The following KCTD8 variants were observed in gnomAD, a reference collection of about 807,000 sequenced individuals.
The protein encoded by KCTD8 is potassium channel tetramerization domain containing 8.
KCTD8 carries 27 observed loss-of-function variants against 31.5 expected under a neutral mutation model. That is an observed-to-expected ratio of 0.86 (90% confidence interval 0.63 to 1.18). The LOEUF is 1.18. Among genes scored for constraint, KCTD8 ranks in the 50% most tolerant of loss-of-function variants. The pLI is 0.00. For missense variants in KCTD8, 658 were observed against 647.7 expected, an observed-to-expected ratio of 1.02 and a Z score of -0.17; for synonymous variants, 290 against 280.0, an observed-to-expected ratio of 1.04 and a Z score of -0.36.
intron 1 of KCTD8, among the ~76,000 whole-genome samples, chr4:44,187,157 TA>T (rs939579956): frequency 1.3e-5 from 2 of 152,212 alleles, no homozygotes; most frequent in Non-Finnish European, 2.9e-5. Context: ...TAAAGAGAAA[TA>T]AATTACTTGA....
intron 1 of KCTD8, among the ~76,000 whole-genome samples, chr4:44,343,844 T>C (rs76380106): frequency 6.6e-6 from 1 of 152,022 alleles, no homozygotes; most frequent in Non-Finnish European, 1.5e-5. Flanking sequence ...GGGTTTTTTT[T>C]GTTGTTGTTG....
intron 1 of KCTD8, among the ~76,000 whole-genome samples, chr4:44,221,634 C>T (rs550824204): frequency 1.1e-4 from 16 of 152,184 alleles, no homozygotes; most frequent in South Asian, 4.2e-4. Context: ...AAACCACTGG[C>T]GTATGTCCAG....
At chr4:44,182,924 T>TG in intron 1 of KCTD8, among the ~76,000 whole-genome samples, 2 of 152,228 alleles carry the variant, frequency 1.3e-5, no homozygotes, top group Non-Finnish European at 2.9e-5. Flanking sequence ...AACATATATA[T>TG]TAAGTACTTT....
chr4:44,376,752 A>C (rs1471972618), intron 1 of KCTD8, among the ~76,000 whole-genome samples: 1 of 152,196 alleles, frequency 6.6e-6, no homozygotes, highest in Non-Finnish European at 1.5e-5. Flanking sequence ...ACCAACAGAG[A>C]AGTACTTAAT....
At chr4:44,212,058 T>C (rs1444336470) in intron 1 of KCTD8, among the ~76,000 whole-genome samples, 1 of 152,168 alleles carries the variant, frequency 6.6e-6, no homozygotes, top group Non-Finnish European at 1.5e-5. Flanking sequence ...GATTTGGAAT[T>C]GCCATGGGAT....
intron 1 of KCTD8, among the ~76,000 whole-genome samples, chr4:44,362,060 A>G (rs545798883): frequency 6.6e-6 from 1 of 152,134 alleles, no homozygotes; most frequent in African/African-American, 2.4e-5. Flanking sequence ...CATTTCAACA[A>G]ATGATGAAGG....
intron 1 of KCTD8, among the ~76,000 whole-genome samples, chr4:44,269,409 A>C (rs889774047): frequency 2.6e-5 from 4 of 151,646 alleles, no homozygotes; most frequent in African/African-American, 7.3e-5. Context: ...TTAAAGACTT[A>C]AATGTTAGAC....
chr4:44,382,600 G>A (rs929290132), intron 1 of KCTD8, among the ~76,000 whole-genome samples: 2 of 151,704 alleles, frequency 1.3e-5, no homozygotes, highest in Non-Finnish European at 2.9e-5. Context: ...CGTGGTGGTG[G>A]GCACCTGTAA....
chr4:44,261,761 T>C (rs2109365923), intron 1 of KCTD8, among the ~76,000 whole-genome samples: 1 of 152,158 alleles, frequency 6.6e-6, no homozygotes, highest in Non-Finnish European at 1.5e-5. Context: ...AATGGCAGGA[T>C]TTCTTTCTTT....
chr4:44,242,375 G>C (rs954639550), intron 1 of KCTD8, among the ~76,000 whole-genome samples: 13 of 151,914 alleles, frequency 8.6e-5, no homozygotes, highest in African/African-American at 2.9e-4. Flanking sequence ...TCAGGAGATC[G>C]AGACCATCCT....
intron 1 of KCTD8, among the ~76,000 whole-genome samples, chr4:44,407,572 G>A (rs1720831961): frequency 6.6e-6 from 1 of 151,894 alleles, no homozygotes; most frequent in Non-Finnish European, 1.5e-5. Context: ...TTTTAGTAGA[G>A]ACGAGGTTTC....
At chr4:44,366,904 G>C (rs1333873347) in intron 1 of KCTD8, among the ~76,000 whole-genome samples, 1 of 152,074 alleles carries the variant, frequency 6.6e-6, no homozygotes, top group Non-Finnish European at 1.5e-5. Context: ...TGTTCTATCT[G>C]CTCCCCAAAT....
rs182085890 is a variant in KCTD8, at chr4:44,194,026, C to T, written c.962-18776G>A. Among the ~76,000 whole-genome samples the T allele has an allele frequency of 1.6e-3, 244 of 152,210 alleles. 2 individuals carry two copies. The highest frequency in any genetic ancestry group is 3.0e-3 in the Non-Finnish European group (205 of 68,010). ...AGAATAGAGAGGATGAATCCTAAGA[C>T]TATTCTTAGGACTATCTTAGAACCC... is the stretch of plus-strand genomic sequence containing the variant. On this transcript the variant is annotated intron_variant, in intron 1 of 1. Transcript: ENST00000360029.
rs1713135575 is a variant in KCTD8, at chr4:44,174,432, T to C, written c.*358A>G. On this transcript the variant is annotated 3_prime_UTR_variant, in exon 2 of 2. Coordinates refer to ENST00000360029, the MANE Select transcript of KCTD8 (RefSeq NM_198353.3). ...CATCCATATATCATTTTAGTTGGTA[T>C]GATATGATGGTTTGTTTTTGGTAAG... The C allele has an allele frequency of 5.7e-6, 1 of 174,602 alleles. No individual in the cohort carries two copies. Among genetic ancestry groups the C allele is most frequent in the African/African-American group, 2.4e-5 (1 of 42,284 alleles). The allele number at this position is 174,602 out of a possible 1,614,324, so 10.8% of individuals were successfully genotyped here.
intron 1 of KCTD8, among the ~76,000 whole-genome samples, chr4:44,220,885 CT>C (rs1248276214): frequency 6.6e-6 from 1 of 152,130 alleles, no homozygotes; most frequent in Non-Finnish European, 1.5e-5. Flanking sequence ...AATTCTCAGC[CT>C]AAATCATGAG....
chr4:44,199,411 C>A (rs1326953119), intron 1 of KCTD8, among the ~76,000 whole-genome samples: 1 of 152,008 alleles, frequency 6.6e-6, no homozygotes, highest in Admixed American at 6.6e-5. Flanking sequence ...GGCCATATAG[C>A]AAGTCTGAGT....
At chr4:44,213,371 T>A (rs1049891536) in intron 1 of KCTD8, among the ~76,000 whole-genome samples, 3 of 152,222 alleles carry the variant, frequency 2.0e-5, no homozygotes, top group African/African-American at 7.2e-5. Context: ...ATGTAATATA[T>A]TTAGATATTA....
At position 44,378,756 on chromosome 4, in the gene KCTD8, G is replaced by C. The variant is rs116033600; in HGVS notation, c.961+68807C>G. On this transcript the variant is annotated intron_variant, in intron 1 of 1. Coordinates refer to ENST00000360029, the MANE Select transcript of KCTD8 (RefSeq NM_198353.3). ...GTTGTATTAGTTTCCTAAGCCTGCT[G>C]TTACCACAAATTTTCTACAGTTATA... is the stretch of plus-strand genomic sequence containing the variant. Among the ~76,000 whole-genome samples, 678 of 152,188 alleles carry C rather than the reference G, an allele frequency of 4.5e-3. 11 individuals carry two copies. Among genetic ancestry groups the C allele is most frequent in the African/African-American group, 0.016 (659 of 41,550 alleles).
rs561749989 is a variant in KCTD8, at chr4:44,256,648, G to A, written c.962-81398C>T. Among the ~76,000 whole-genome samples, 685 of 151,884 alleles carry A rather than the reference G, an allele frequency of 4.5e-3. 4 individuals are homozygous for A. Among genetic ancestry groups the A allele is most frequent in the Non-Finnish European group, 7.0e-3 (475 of 67,880 alleles). ...GGTACTTATCCTGTATAATCTGAGCGAGCCTGGTGTAATTTCAAGGGCCTT... is the reference window on the plus strand; with the variant it reads ...GGTACTTATCCTGTATAATCTGAGCAAGCCTGGTGTAATTTCAAGGGCCTT... On this transcript the variant is annotated intron_variant, in intron 1 of 1. Coordinates refer to ENST00000360029, the MANE Select transcript of KCTD8 (RefSeq NM_198353.3).
Sources: allele counts gnomAD v4.1 joint callset (sites outside exome capture counted in the v4.1 genomes callset), GRCh38; gene constraint gnomAD v4.1.1; transcripts MANE v1.5; gene names NCBI Gene and HGNC (gene_info 2026-07-23, HGNC 2026-07-21).